The following DPP6 variants were observed in gnomAD, a reference collection of about 807,000 sequenced individuals.
DPP6 encodes dipeptidyl peptidase like 6.
In DPP6, 69 loss-of-function variants were observed where a neutral mutation model predicts 122.6. That is an observed-to-expected ratio of 0.56 (90% confidence interval 0.46 to 0.69). DPP6 has a LOEUF of 0.69. Ranked by LOEUF, DPP6 falls within the 30% of genes least tolerant of loss-of-function variation. DPP6 has a pLI of 0.00. For missense variants in DPP6, 928 were observed against 1,116.9 expected (o/e 0.83, Z 2.41); for synonymous variants, 418 against 433.1 (o/e 0.97, Z 0.43).
chr7:154,614,436 G>C (rs1216978445), intron 5 of DPP6, among the ~76,000 whole-genome samples: 1 of 152,088 alleles, frequency 6.6e-6, no homozygotes, highest in Admixed American at 6.6e-5. Context: ...TTTTTTTCCA[G>C]GCAGAATTTA....
intron 2 of DPP6, among the ~76,000 whole-genome samples, chr7:154,460,610 TA>T (rs1821214357): frequency 6.6e-6 from 1 of 152,226 alleles, no homozygotes; most frequent in Admixed American, 6.5e-5. Context: ...ATATTTGCAA[TA>T]TTTTTTTCAC....
chr7:154,362,818 A>G (rs189387442), intron 1 of DPP6, among the ~76,000 whole-genome samples: 2 of 152,252 alleles, frequency 1.3e-5, no homozygotes, highest in South Asian at 2.1e-4. Context: ...GCAGCCATTC[A>G]AGGCCACCTG....
At chr7:154,000,865 C>T (rs2533561) in intron 1 of DPP6, among the ~76,000 whole-genome samples, 8 of 152,270 alleles carry the variant, frequency 5.3e-5, no homozygotes, top group East Asian at 1.9e-4. Flanking sequence ...TGGGCACTGA[C>T]GGACTCCAGG....
the DPP6 span, among the ~76,000 whole-genome samples, chr7:153,756,989 G>T: frequency 6.6e-6 from 1 of 152,262 alleles, no homozygotes; most frequent in Admixed American, 6.5e-5. Context: ...TAAGTCAAAA[G>T]TTATACCTCA....
rs138562141 is a variant in DPP6 at position 154,381,990 on chromosome 7, G to A, written c.244-64224G>A. The stretch of plus-strand genomic sequence containing the variant: ...CAGGTAAATCTGGAGGACAGCTTGC[G>A]CCCAGGGAAATTACATGCAAACCAG... On this transcript the variant is annotated intron_variant, in intron 1 of 25. Coordinates refer to ENST00000377770, the MANE Select transcript of DPP6 (RefSeq NM_130797.4). Among the ~76,000 whole-genome samples the A allele has an allele frequency of 9.2e-5, 14 of 152,074 alleles. No homozygotes were observed. In the East Asian group the frequency reaches 2.1e-3, roughly 23 times the overall value.
In DPP6 at chr7:154,618,079, C is replaced by T. The variant is rs544669810; in HGVS notation, c.628-19742C>T. On this transcript the variant is annotated intron_variant, in intron 5 of 25. Transcript: ENST00000377770. The surrounding 1 kb of genome is among the most constrained non-coding windows in gnomAD (Gnocchi z 4.1). ...GCTGTCTGCTCACACAGGCTTTCCCCCTTTGCACTGTTGCTGGTTGCATTC... is the reference window on the plus strand; with the variant it reads ...GCTGTCTGCTCACACAGGCTTTCCCTCTTTGCACTGTTGCTGGTTGCATTC... Among the ~76,000 whole-genome samples the T allele has an allele frequency of 5.9e-5, 9 of 152,236 alleles. No individual in the cohort carries two copies. The highest frequency in any genetic ancestry group is 2.2e-4 in the African/African-American group (9 of 41,544).
chr7:154,560,302 G>T (rs1026159134), intron 4 of DPP6, among the ~76,000 whole-genome samples: 3 of 152,106 alleles, frequency 2.0e-5, no homozygotes, highest in Non-Finnish European at 4.4e-5. Context: ...TAAGACTTCT[G>T]TCTGAACCTT....
the DPP6 span, among the ~76,000 whole-genome samples, chr7:153,858,001 C>T: frequency 2.0e-5 from 3 of 152,286 alleles, no homozygotes; most frequent in South Asian, 4.1e-4. Flanking sequence ...GATCTTTTTG[C>T]AAGCACCATT....
At chr7:154,856,986 G>A (rs191140763) in intron 17 of DPP6, among the ~76,000 whole-genome samples, 23 of 152,268 alleles carry the variant, frequency 1.5e-4, no homozygotes, top group Admixed American at 3.9e-4. Flanking sequence ...ACTGGACGGC[G>A]TTTAGAATTA....
chr7:154,731,383 A>G (rs1430586765), intron 8 of DPP6, among the ~76,000 whole-genome samples: 1 of 152,246 alleles, frequency 6.6e-6, no homozygotes, highest in Admixed American at 6.5e-5. Flanking sequence ...TAAACATACT[A>G]AACATTGCAA....
At chr7:153,835,053 T>C in the DPP6 span, among the ~76,000 whole-genome samples, 1 of 152,246 alleles carries the variant, frequency 6.6e-6, no homozygotes, top group Non-Finnish European at 1.5e-5. Flanking sequence ...CCCCTCATTC[T>C]TGTTATATAT....
intron 1 of DPP6, among the ~76,000 whole-genome samples, chr7:154,422,795 G>A (rs1450863414): frequency 6.6e-6 from 1 of 152,126 alleles, no homozygotes; most frequent in Admixed American, 6.5e-5. Flanking sequence ...ACCTTTAAAA[G>A]CATAGCAATG....
At chr7:154,772,967 C>CAAAAA (rs11291131) in intron 10 of DPP6, 25 bp downstream of exon 10, 4 of 1,323,762 alleles carry the variant, frequency 3.0e-6, no homozygotes, top group Non-Finnish European at 2.9e-6. Context: ...ATTATGTTAC[C>CAAAAA]AAAAAAAAAA....
At chr7:154,810,938 C>G (rs1286608587) in intron 16 of DPP6, among the ~76,000 whole-genome samples, 1 of 152,194 alleles carries the variant, frequency 6.6e-6, no homozygotes, top group East Asian at 1.9e-4. Flanking sequence ...GCATCTAATC[C>G]AGTCTCCACC....
At chr7:154,500,716 C>T (rs188313913) in intron 3 of DPP6, among the ~76,000 whole-genome samples, 6 of 152,306 alleles carry the variant, frequency 3.9e-5, no homozygotes, top group South Asian at 2.1e-4. Flanking sequence ...TTGTCAACTG[C>T]GCAGTCTTGG....
chr7:153,878,161 C>T, the DPP6 span, among the ~76,000 whole-genome samples: 1 of 152,100 alleles, frequency 6.6e-6, no homozygotes, highest in East Asian at 1.9e-4. Context: ...TCACTCACAT[C>T]CTACTTGTGT....
At chr7:154,619,066 A>G (rs1461076320) in intron 5 of DPP6, among the ~76,000 whole-genome samples, 1 of 152,186 alleles carries the variant, frequency 6.6e-6, no homozygotes, top group African/African-American at 2.4e-5. Context: ...CTGCCATGTA[A>G]GATGTGACTT....
chr7:153,815,575 G>T, the DPP6 span, among the ~76,000 whole-genome samples: 1 of 149,378 alleles, frequency 6.7e-6, no homozygotes, highest in Non-Finnish European at 1.5e-5. Flanking sequence ...GTGTCCATGT[G>T]TTCTCATTGT....
chr7:154,804,857 T>C, intron 14 of DPP6, 60 bp from the exon 15 acceptor site: 2 of 1,563,446 alleles, frequency 1.3e-6, no homozygotes, highest in Non-Finnish European at 1.7e-6. Flanking sequence ...GTGCCAGGAA[T>C]GTGAAGTGCA....
Sources: gnomAD v4.1 joint callset for allele counts (sites outside exome capture counted in the v4.1 genomes callset) on GRCh38, gnomAD v4.1.1 for gene constraint, Gnocchi (gnomAD v3.1) non-coding constraint, MANE v1.5 for transcripts, NCBI Gene and HGNC (gene_info 2026-07-23, HGNC 2026-07-21) for gene names.